The following ATXN1 variants were observed in gnomAD, a reference collection of about 807,000 sequenced individuals.
The protein encoded by ATXN1 is ataxin 1.
Under a neutral mutation model 56.4 loss-of-function variants are expected in ATXN1, and 8 were observed. The observed-to-expected ratio is 0.14, with a 90% CI of 0.08 to 0.26. The LOEUF (loss-of-function observed/expected upper bound fraction) is 0.26. Among genes scored for constraint, ATXN1 ranks in the 10% least tolerant of loss-of-function variants. The pLI is 1.00. For missense variants in ATXN1, 987 were observed against 1,106.5 expected (o/e 0.89, Z 1.53); for synonymous variants, 514 against 494.6 (o/e 1.04, Z -0.52).
chr6:16,399,145 G>C (rs1322069490), intron 6 of ATXN1, among the ~76,000 whole-genome samples: 1 of 152,220 alleles, frequency 6.6e-6, no homozygotes, highest in Non-Finnish European at 1.5e-5. Context: ...TCAATGGACT[G>C]ACCTTGTGGC....
In ATXN1 at chr6:16,311,933, C is replaced by A. The variant is rs556794307; in HGVS notation, c.1918-5074G>T. ...AATGTGACATTCAGAAGACCAGAAG[C>A]CTTAGTTCCAAACATGTCAGCCTCT... On this transcript the variant is annotated intron_variant, in intron 7 of 7. Coordinates refer to ENST00000436367, the MANE Select transcript of ATXN1 (RefSeq NM_001128164.2). 5.2e-4 allele frequency among the ~76,000 whole-genome samples: 79 copies of A among 152,290 alleles called. 1 individual carries two copies. Among genetic ancestry groups the A allele is most frequent in the African/African-American group, 1.0e-3 (43 of 41,562 alleles).
chr6:16,604,524 G>T (rs1219796193), intron 3 of ATXN1, among the ~76,000 whole-genome samples: 1 of 148,348 alleles, frequency 6.7e-6, no homozygotes, highest in Non-Finnish European at 1.5e-5. Flanking sequence ...AAAATTAAAA[G>T]AAATAAAGAA....
At chr6:16,354,774 G>T (rs1047760442) in intron 6 of ATXN1, among the ~76,000 whole-genome samples, 1 of 152,112 alleles carries the variant, frequency 6.6e-6, no homozygotes, top group African/African-American at 2.4e-5. Context: ...ATCCTCTCTG[G>T]GTTGTTCTTC....
intron 4 of ATXN1, among the ~76,000 whole-genome samples, chr6:16,568,510 G>A (rs1762272096): frequency 6.6e-6 from 1 of 152,184 alleles, no homozygotes; most frequent in South Asian, 2.1e-4. Context: ...GTTATAAATA[G>A]TGCTTAGTTT....
intron 2 of ATXN1, among the ~76,000 whole-genome samples, chr6:16,732,524 T>C (rs993125687): frequency 1.4e-4 from 22 of 152,156 alleles, no homozygotes; most frequent in African/African-American, 5.1e-4. Flanking sequence ...TAAGCCGAGA[T>C]GGCACCACTC....
At chr6:16,531,495 C>T (rs539871944) in intron 4 of ATXN1, among the ~76,000 whole-genome samples, 1 of 152,130 alleles carries the variant, frequency 6.6e-6, no homozygotes, top group South Asian at 2.1e-4. Flanking sequence ...TGGTGGCAGA[C>T]ACCTGTAATC....
chr6:16,486,540 T>C (rs899365620), intron 5 of ATXN1, among the ~76,000 whole-genome samples: 4 of 152,048 alleles, frequency 2.6e-5, no homozygotes, highest in African/African-American at 2.4e-5. Context: ...CAAAGCGTTG[T>C]TGGTGGTCAT....
intron 4 of ATXN1, among the ~76,000 whole-genome samples, chr6:16,561,270 A>C (rs1257133692): frequency 1.3e-5 from 2 of 152,142 alleles, no homozygotes; most frequent in African/African-American, 4.8e-5. Context: ...GAATCATTTA[A>C]TATTTCCCTA....
chr6:16,595,160 T>C (rs1762792695), intron 3 of ATXN1, among the ~76,000 whole-genome samples: 1 of 152,206 alleles, frequency 6.6e-6, no homozygotes, highest in East Asian at 1.9e-4. Context: ...TCCTTCACTA[T>C]TAGAAGCAGA....
intron 6 of ATXN1, among the ~76,000 whole-genome samples, chr6:16,404,320 C>A (rs1452527669): frequency 6.6e-6 from 1 of 152,110 alleles, no homozygotes; most frequent in Non-Finnish European, 1.5e-5. Context: ...AGTACTGGAC[C>A]AAAGTGAGCC....
In ATXN1 at chr6:16,401,578, GA is replaced by G. The variant is rs1366930407; in HGVS notation, c.-160-73109del. ...GGGCAGATGAAATGGTCTAAGGTTA[GA>G]CAGCAACAAAAACAACTTTGGCAGA... On this transcript the variant is annotated intron_variant, in intron 6 of 7. Transcript: ENST00000436367. Among the ~76,000 whole-genome samples the G allele has an allele frequency of 2.6e-5, 4 of 152,306 alleles. 1 individual carries two copies. The highest frequency in any genetic ancestry group is 7.2e-5 in the African/African-American group (3 of 41,570).
chr6:16,438,788 G>C (rs913886031), intron 6 of ATXN1, among the ~76,000 whole-genome samples: 5 of 152,146 alleles, frequency 3.3e-5, no homozygotes, highest in African/African-American at 1.2e-4. Context: ...GGACTATCAA[G>C]AAACTCTTAA....
intron 7 of ATXN1, among the ~76,000 whole-genome samples, chr6:16,321,987 C>T (rs1312518936): frequency 2.0e-5 from 3 of 152,236 alleles, no homozygotes; most frequent in South Asian, 2.1e-4. Context: ...TTTGGGAGAC[C>T]GAGGTGGGTG....
chr6:16,362,028 G>C (rs180926823), intron 6 of ATXN1, among the ~76,000 whole-genome samples: 40 of 152,306 alleles, frequency 2.6e-4, no homozygotes, highest in African/African-American at 8.7e-4. Context: ...CTGACGTGTG[G>C]ATGGCCTTTG....
chr6:16,439,391 T>TGGGGGGGGG (rs1470984574), intron 6 of ATXN1, among the ~76,000 whole-genome samples: 7 of 1,336 alleles, frequency 5.2e-3, no homozygotes, highest in African/African-American at 0.022. Context: ...GAATAAGGGT[T>TGGGGGGGGG]GGGGTGGGGT....
At chr6:16,609,135 C>A (rs1763061077) in intron 3 of ATXN1, among the ~76,000 whole-genome samples, 1 of 152,188 alleles carries the variant, frequency 6.6e-6, no homozygotes, top group African/African-American at 2.4e-5. Context: ...AAAGGTGGCA[C>A]AGCACTGTGA....
chr6:16,641,661 G>A (rs972639526), intron 3 of ATXN1, among the ~76,000 whole-genome samples: 4 of 152,228 alleles, frequency 2.6e-5, no homozygotes, highest in East Asian at 3.9e-4. Flanking sequence ...TCGTTTTCAC[G>A]CCTGCTAACA....
At chr6:16,394,573 C>T (rs767076654) in intron 6 of ATXN1, among the ~76,000 whole-genome samples, 7 of 152,114 alleles carry the variant, frequency 4.6e-5, no homozygotes, top group African/African-American at 7.2e-5. Context: ...CATTCAAATT[C>T]CTCTTGTCTA....
intron 5 of ATXN1, among the ~76,000 whole-genome samples, chr6:16,500,750 AAAAAAAAAAAC>A (rs1760869652): frequency 6.6e-6 from 1 of 151,276 alleles, no homozygotes; most frequent in East Asian, 2.0e-4. Flanking sequence ...AAAAAAAAAA[AAAAAAAAAAAC>A]ATTGAGGAAA....
Sources: allele counts gnomAD v4.1 joint callset (sites outside exome capture counted in the v4.1 genomes callset), GRCh38; gene constraint gnomAD v4.1.1; transcripts MANE v1.5; gene names NCBI Gene and HGNC (gene_info 2026-07-23, HGNC 2026-07-21).